Variants in DGKI observed in about 807,000 individuals in gnomAD.
The protein encoded by DGKI is DAG kinase iota.
In DGKI, 55 loss-of-function variants were observed where a neutral mutation model predicts 147.5. The observed-to-expected ratio is 0.37, with a 90% CI of 0.30 to 0.47. DGKI has a LOEUF of 0.47. DGKI is among the 20% of genes least tolerant of loss of function. The pLI is 1.00. For synonymous variants in DGKI, 469 were observed against 477.1 expected (o/e 0.98, Z 0.22); for missense variants, 1,007 against 1,323.8 (o/e 0.76, Z 3.71).
At chr7:137,428,213 G>A (rs1307054282) in intron 28 of DGKI, among the ~76,000 whole-genome samples, 2 of 150,244 alleles carry the variant, frequency 1.3e-5, no homozygotes, top group African/African-American at 4.9e-5. Flanking sequence ...ATGATCAAGT[G>A]GGCTTCATCC....
At chr7:137,415,656 G>A (rs1276625593) in intron 28 of DGKI, among the ~76,000 whole-genome samples, 5 of 152,154 alleles carry the variant, frequency 3.3e-5, no homozygotes, top group Non-Finnish European at 7.3e-5. Flanking sequence ...TTAATGCAAA[G>A]CCTTGTAACA....
At chr7:137,666,331 A>C (rs1822639056) in intron 3 of DGKI, among the ~76,000 whole-genome samples, 1 of 152,200 alleles carries the variant, frequency 6.6e-6, no homozygotes, top group African/African-American at 2.4e-5. Context: ...TAAGCCCAGG[A>C]GTTTGAGGCT....
At chr7:137,412,277 A>T in intron 28 of DGKI, 70 bp from the exon 29 acceptor site, 1 of 1,471,322 alleles carries the variant, frequency 6.8e-7, no homozygotes, top group Non-Finnish European at 9.5e-7. Context: ...ACAAAGTTGG[A>T]TCCATATTTT....
chr7:137,668,714 G>A (rs35323708), intron 3 of DGKI, among the ~76,000 whole-genome samples: 20,191 of 152,194 alleles, frequency 0.13, 4,380 homozygotes, highest in African/African-American at 0.45. Context: ...GGTGTGTGCT[G>A]TAAAAGGTTG....
chr7:137,719,335 C>G (rs562269661), intron 1 of DGKI, among the ~76,000 whole-genome samples: 9 of 152,050 alleles, frequency 5.9e-5, no homozygotes, highest in African/African-American at 2.2e-4. Context: ...TCTTTTAAAA[C>G]CAGATGATTT....
intron 21 of DGKI, among the ~76,000 whole-genome samples, chr7:137,494,351 T>A (rs1208739123): frequency 6.6e-6 from 1 of 151,716 alleles, no homozygotes; most frequent in East Asian, 1.9e-4. Flanking sequence ...AAGAAGATCA[T>A]CACCAAGACA....
In DGKI at chr7:137,395,673, A is replaced by G. The variant is rs1386601058; in HGVS notation, c.2982T>C (p.Ala994=). The change falls in exon 32 of 33, where the codon GCT becomes GCC. Residue 994 remains alanine, a synonymous_variant. Coordinates refer to ENST00000614521, the MANE Select transcript of DGKI (RefSeq NM_001321708.2). ...ACACAGCCCGGTTCCGCTGGCAGGC[A>G]GCCTTGTGCAGTGCAGTCTCACCCC... ...SETGETALHK[A]ACQRNRAVCQ... 1 of 1,614,014 alleles carries G rather than the reference A, an allele frequency of 6.2e-7. No individual in the cohort carries two copies. The highest frequency in any genetic ancestry group is 2.2e-5 in the East Asian group (1 of 44,864).
intron 21 of DGKI, among the ~76,000 whole-genome samples, chr7:137,491,108 G>C (rs1181898093): frequency 6.6e-6 from 1 of 152,166 alleles, no homozygotes; most frequent in Non-Finnish European, 1.5e-5. Flanking sequence ...CCACTAGTGG[G>C]TATAGACATG....
intron 1 of DGKI, among the ~76,000 whole-genome samples, chr7:137,826,667 T>C (rs1798065758): frequency 6.6e-6 from 1 of 152,050 alleles, no homozygotes; most frequent in Non-Finnish European, 1.5e-5. Flanking sequence ...AAAAAATCTA[T>C]CCACTTCATT....
intron 6 of DGKI, among the ~76,000 whole-genome samples, chr7:137,636,504 T>G (rs965534815): frequency 3.9e-5 from 6 of 152,204 alleles, no homozygotes; most frequent in Admixed American, 1.3e-4. Context: ...ATACTGTGGC[T>G]TTCCACCCAG....
chr7:137,409,096 A>G (rs1366182003), intron 29 of DGKI, among the ~76,000 whole-genome samples: 1 of 152,204 alleles, frequency 6.6e-6, no homozygotes, highest in Non-Finnish European at 1.5e-5. Context: ...AAATAGCTAG[A>G]AGGAGGATGT....
At chr7:137,753,006 C>G (rs933272131) in intron 1 of DGKI, among the ~76,000 whole-genome samples, 1 of 151,568 alleles carries the variant, frequency 6.6e-6, no homozygotes, top group Non-Finnish European at 1.5e-5. Context: ...CACAAACATA[C>G]ACGTGTTACT....
intron 2 of DGKI, among the ~76,000 whole-genome samples, chr7:137,679,817 A>C (rs1823168855): frequency 6.6e-6 from 1 of 151,616 alleles, no homozygotes; most frequent in South Asian, 2.1e-4. Context: ...GTGAAACCTC[A>C]TCTCAACTAA....
intron 30 of DGKI, among the ~76,000 whole-genome samples, chr7:137,401,654 A>C (rs1371337549): frequency 6.6e-6 from 1 of 152,196 alleles, no homozygotes; most frequent in Non-Finnish European, 1.5e-5. Flanking sequence ...AGGAATTTCG[A>C]GGGAGATCAT....
In DGKI at chr7:137,604,857, G is replaced by A. The variant is rs186314208; in HGVS notation, c.1167+4109C>T. 7.9e-5 allele frequency among the ~76,000 whole-genome samples: 12 copies of A among 152,224 alleles called. No homozygotes were observed. In the East Asian group the frequency reaches 2.3e-3, roughly 29 times the overall value. ...ACTCAGAAAGATGCTAATGAGTCCA[G>A]GACCTCAAAGAAAAATCTAAGTTTT... On this transcript the variant is annotated intron_variant, in intron 10 of 32. Transcript: ENST00000614521.
intron 2 of DGKI, among the ~76,000 whole-genome samples, chr7:137,687,340 A>G (rs954664649): frequency 6.6e-6 from 1 of 152,202 alleles, no homozygotes; most frequent in East Asian, 1.9e-4. Flanking sequence ...CTCAATAAAT[A>G]GTAATACTGA....
intron 3 of DGKI, among the ~76,000 whole-genome samples, chr7:137,664,456 T>G (rs1822565834): frequency 6.6e-6 from 1 of 150,560 alleles, no homozygotes; most frequent in Admixed American, 6.6e-5. Flanking sequence ...AGAGGCTGCA[T>G]GACAATTATA....
intron 21 of DGKI, among the ~76,000 whole-genome samples, chr7:137,498,044 A>G (rs1816033043): frequency 6.6e-6 from 1 of 152,086 alleles, no homozygotes; most frequent in Admixed American, 6.6e-5. Flanking sequence ...TTGAGAGAAA[A>G]TGGAATGGAA....
chr7:137,401,630 T>C (rs933050865), intron 30 of DGKI, among the ~76,000 whole-genome samples: 2 of 152,214 alleles, frequency 1.3e-5, no homozygotes, highest in East Asian at 1.9e-4. Context: ...GCAGACACTA[T>C]GCCATCTCCC....
Sources: allele counts gnomAD v4.1 joint callset (sites outside exome capture counted in the v4.1 genomes callset), GRCh38; gene constraint gnomAD v4.1.1; transcripts MANE v1.5; gene names NCBI Gene and HGNC (gene_info 2026-07-23, HGNC 2026-07-21).